The following MTHFD1L variants were observed in gnomAD, a reference collection of about 807,000 sequenced individuals.
MTHFD1L encodes methylenetetrahydrofolate dehydrogenase (NADP+ dependent) 1 like, also known as monofunctional C1-tetrahydrofolate synthase, mitochondrial.
In MTHFD1L, 81 loss-of-function variants were observed where a neutral mutation model predicts 119.5. The ratio of observed to expected loss-of-function variants is 0.68; its 90% CI spans 0.57 to 0.82. MTHFD1L has a LOEUF of 0.82. Among genes scored for constraint, MTHFD1L ranks in the 40% least tolerant of loss-of-function variants. The pLI, the probability that MTHFD1L is intolerant of heterozygous loss-of-function variation, is 0.00. For missense variants in MTHFD1L, 1,125 were observed against 1,253.4 expected (o/e 0.90, Z 1.55); for synonymous variants, 430 against 475.2 (o/e 0.90, Z 1.24).
Position 150,903,527 on chromosome 6 carries a change from C to G in MTHFD1L, c.781-2123C>G, listed in dbSNP as rs146281112. Among the ~76,000 whole-genome samples the G allele has an allele frequency of 4.2e-3, 642 of 152,248 alleles. 2 individuals are homozygous for G. The highest frequency in any genetic ancestry group is 0.015 in the African/African-American group (610 of 41,534). On this transcript the variant is annotated intron_variant, in intron 7 of 27. Coordinates refer to ENST00000367321, the MANE Select transcript of MTHFD1L (RefSeq NM_015440.5). ...GACCTCCTGGGCTCAAGCGATCCTT[C>G]CACCTCAACCTCCCAAGTAGCTAGG...
At chr6:150,933,541 C>T (rs2128928846) in intron 11 of MTHFD1L, among the ~76,000 whole-genome samples, 1 of 152,190 alleles carries the variant, frequency 6.6e-6, no homozygotes, top group Non-Finnish European at 1.5e-5. Context: ...GACTGATAAG[C>T]CGGGGTCATG....
chr6:150,952,829 A>G (rs1694272555), intron 16 of MTHFD1L, among the ~76,000 whole-genome samples: 1 of 152,176 alleles, frequency 6.6e-6, no homozygotes, highest in Non-Finnish European at 1.5e-5. Flanking sequence ...CGTCCAGCAG[A>G]TTGTTTCATC....
Position 151,075,081 on chromosome 6 carries a change from A to G in MTHFD1L, c.2848-17386A>G, listed in dbSNP as rs574723709. 7.2e-5 allele frequency among the ~76,000 whole-genome samples: 11 copies of G among 152,346 alleles called. No individual in the cohort carries two copies. The South Asian group carries it at 2.3e-3, about 32-fold the overall frequency. On this transcript the variant is annotated intron_variant, in intron 26 of 27. Transcript: ENST00000367321. ...AAAAATAATCCAGAGGAAGCAGAAA[A>G]GGGAAAAAGGAACAAAGAACAGATA...
At chr6:150,992,435 GGAA>G (rs1463318847) in intron 20 of MTHFD1L, among the ~76,000 whole-genome samples, 2 of 152,212 alleles carry the variant, frequency 1.3e-5, no homozygotes, top group African/African-American at 4.8e-5. Flanking sequence ...TATGACCATG[GGAA>G]GAAGTAGAGG....
At chr6:150,949,335 T>C (rs1794522703) in intron 16 of MTHFD1L, among the ~76,000 whole-genome samples, 1 of 152,034 alleles carries the variant, frequency 6.6e-6, no homozygotes, top group African/African-American at 2.4e-5. Context: ...AAAAATTCTG[T>C]CCAGGGTCAA....
At chr6:150,969,700 TC>T (rs1254785987) in intron 19 of MTHFD1L, among the ~76,000 whole-genome samples, 1 of 152,068 alleles carries the variant, frequency 6.6e-6, no homozygotes, top group African/African-American at 2.4e-5. Flanking sequence ...CTATAATACA[TC>T]CCTTAAAGGA....
At chr6:151,026,712 A>G (rs1784644535) in intron 24 of MTHFD1L, among the ~76,000 whole-genome samples, 1 of 151,756 alleles carries the variant, frequency 6.6e-6, no homozygotes, top group African/African-American at 2.4e-5. Flanking sequence ...TTATATAGAC[A>G]GAATATTCAC....
rs1792153807 is a variant in MTHFD1L at position 150,936,831 on chromosome 6, G to A, written c.1284G>A (p.Gly428=). Residue 428 remains glycine, a synonymous_variant, in exon 12 of 28, where the codon GGG becomes GGA. Coordinates refer to ENST00000367321, the MANE Select transcript of MTHFD1L (RefSeq NM_015440.5). ...AGITPTPLGE[G]KSTVTIGLVQ... is the part of the protein sequence containing the mutation. ...TCACACCCACCCCTCTTGGAGAAGG[G>A]AAGAGCACAGTCACCATCGGGCTTG... 2 of 1,613,878 alleles carry A rather than the reference G, an allele frequency of 1.2e-6. No homozygotes were observed. Among genetic ancestry groups the A allele is most frequent in the African/African-American group, 2.7e-5 (2 of 74,904 alleles).
intron 20 of MTHFD1L, among the ~76,000 whole-genome samples, chr6:150,999,039 G>A (rs1780240405): frequency 6.7e-6 from 1 of 149,372 alleles, no homozygotes; most frequent in Non-Finnish European, 1.5e-5. Context: ...TGTCTATAAG[G>A]AGTATATGAA....
At chr6:150,980,285 T>C (rs1777258588) in intron 20 of MTHFD1L, among the ~76,000 whole-genome samples, 1 of 152,196 alleles carries the variant, frequency 6.6e-6, no homozygotes, top group African/African-American at 2.4e-5. Flanking sequence ...TTGTTTTGTG[T>C]CATCTCCAGA....
At chr6:150,915,517 G>A (rs1322853089) in intron 8 of MTHFD1L, among the ~76,000 whole-genome samples, 3 of 152,190 alleles carry the variant, frequency 2.0e-5, no homozygotes, top group Non-Finnish European at 4.4e-5. Flanking sequence ...TCACTCGCAA[G>A]GGTATTTTGT....
intron 8 of MTHFD1L, among the ~76,000 whole-genome samples, chr6:150,914,797 TGGGCTTATCCA>T (rs1164167166): frequency 1.3e-5 from 2 of 152,224 alleles, no homozygotes; most frequent in Non-Finnish European, 2.9e-5. Flanking sequence ...CTGTGAGCTT[TGGGCTTATCCA>T]GGGTCCATGA....
intron 24 of MTHFD1L, among the ~76,000 whole-genome samples, chr6:151,028,273 TAAAC>T (rs1784856855): frequency 6.6e-6 from 1 of 152,078 alleles, no homozygotes; most frequent in African/African-American, 2.4e-5. Context: ...CACTTTCCAA[TAAAC>T]ATTGGAAAGG....
At chr6:151,051,675 A>T (rs1460766062) in intron 26 of MTHFD1L, among the ~76,000 whole-genome samples, 1 of 152,208 alleles carries the variant, frequency 6.6e-6, no homozygotes, top group Non-Finnish European at 1.5e-5. Flanking sequence ...GGATGTTTGG[A>T]TAAATAAGGC....
At chr6:150,900,569 C>T (rs556190161) in intron 7 of MTHFD1L, among the ~76,000 whole-genome samples, 2 of 152,286 alleles carry the variant, frequency 1.3e-5, no homozygotes, top group East Asian at 3.9e-4. Flanking sequence ...CAGCTTCCTG[C>T]AGACGCCTCC....
rs921337107 is a variant in MTHFD1L at position 151,013,761 on chromosome 6, T to A, written c.2266-18T>A. 1.4e-5 allele frequency: 22 copies of A among 1,606,144 alleles called. No homozygotes were observed. The highest frequency in any genetic ancestry group is 1.9e-5 in the Non-Finnish European group (22 of 1,173,750). ...ATTTTTATAGGATTATTCTTCATGT[T>A]TTCTCTCCTTATTTCAGGTAACGGC... On this transcript the variant is annotated intron_variant, in intron 21 of 27. Transcript: ENST00000367321.
chr6:151,026,605 A>T (rs1365863307), intron 24 of MTHFD1L, among the ~76,000 whole-genome samples: 2 of 152,258 alleles, frequency 1.3e-5, no homozygotes, highest in South Asian at 2.1e-4. Context: ...TTTTTGGTGA[A>T]TATGAAGATT....
intron 26 of MTHFD1L, among the ~76,000 whole-genome samples, chr6:151,042,697 T>A (rs1285433158): frequency 1.3e-5 from 2 of 152,214 alleles, no homozygotes; most frequent in African/African-American, 2.4e-5. Context: ...TACTAATATG[T>A]AAGCAAAGTA....
At chr6:151,009,707 G>A (rs532551236) in intron 20 of MTHFD1L, 112 bp from the exon 21 acceptor site, 1 of 1,231,504 alleles carries the variant, frequency 8.1e-7, no homozygotes, top group South Asian at 1.3e-5. Context: ...CTTTGTGTTG[G>A]TAAACAAAAG....
Sources: allele counts gnomAD v4.1 joint callset (sites outside exome capture counted in the v4.1 genomes callset), GRCh38; gene constraint gnomAD v4.1.1; transcripts MANE v1.5; gene names NCBI Gene and HGNC (gene_info 2026-07-23, HGNC 2026-07-21).